The following HPSE2 variants were observed in gnomAD, a reference collection of about 807,000 sequenced individuals.
HPSE2 encodes the protein heparanase 2 (inactive), also known as inactive heparanase-2.
A neutral mutation model predicts 60.5 loss-of-function variants in HPSE2; 38 were observed. That is an observed-to-expected ratio of 0.63 (90% CI 0.48 to 0.82). The LOEUF (loss-of-function observed/expected upper bound fraction) is 0.82. Ranked by LOEUF, HPSE2 falls within the 40% of genes least tolerant of loss-of-function variation. The pLI is 0.00. For missense variants in HPSE2, 713 were observed against 740.4 expected, an observed-to-expected ratio of 0.96 and a Z score of 0.43; for synonymous variants, 295 against 293.2, an observed-to-expected ratio of 1.01 and a Z score of -0.06.
intron 3 of HPSE2, among the ~76,000 whole-genome samples, chr10:98,988,042 T>A (rs183258298): frequency 8.5e-5 from 13 of 152,296 alleles, no homozygotes; most frequent in Admixed American, 8.5e-4. Context: ...ATAGGAAGAA[T>A]CAATATCGTG....
At chr10:98,469,327 T>C (rs1316573851) in intron 11 of HPSE2, among the ~76,000 whole-genome samples, 1 of 152,138 alleles carries the variant, frequency 6.6e-6, no homozygotes, top group Non-Finnish European at 1.5e-5. Flanking sequence ...GTCATAGGCA[T>C]ATCACACTCA....
At chr10:99,237,054 G>T (rs764221341), upstream of HPSE2, among the ~76,000 whole-genome samples, 1 of 152,250 alleles carries the variant, frequency 6.6e-6, no homozygotes, top group South Asian at 2.1e-4. Flanking sequence ...AAGCCGCTGT[G>T]ATGCACGACC....
intron 3 of HPSE2, among the ~76,000 whole-genome samples, chr10:99,087,608 C>T (rs139896595): frequency 1.1e-4 from 17 of 152,262 alleles, no homozygotes; most frequent in African/African-American, 2.6e-4. Context: ...AAGCTACATG[C>T]GTAACCGGGT....
At chr10:99,155,978 G>C (rs879456028) in intron 2 of HPSE2, among the ~76,000 whole-genome samples, 1 of 151,338 alleles carries the variant, frequency 6.6e-6, no homozygotes, top group Non-Finnish European at 1.5e-5. Flanking sequence ...ACACCTCTAC[G>C]CAAATAAACT....
At chr10:98,763,952 A>G (rs1950063086) in intron 3 of HPSE2, among the ~76,000 whole-genome samples, 1 of 152,134 alleles carries the variant, frequency 6.6e-6, no homozygotes, top group Non-Finnish European at 1.5e-5. Context: ...CTCCTCTCAA[A>G]TAATTTAAAA....
chr10:98,696,086 G>C (rs1948204341), intron 5 of HPSE2, among the ~76,000 whole-genome samples: 1 of 152,038 alleles, frequency 6.6e-6, no homozygotes, highest in Middle Eastern at 3.4e-3. Context: ...ATGAAATTTT[G>C]TACCTCCTTC....
intron 2 of HPSE2, among the ~76,000 whole-genome samples, chr10:99,187,370 A>G (rs899927404): frequency 6.6e-5 from 10 of 152,318 alleles, no homozygotes; most frequent in African/African-American, 2.4e-4. Flanking sequence ...TAGGACATAA[A>G]AAGCACAAAT....
At chr10:98,758,196 G>T (rs1352546580) in intron 3 of HPSE2, among the ~76,000 whole-genome samples, 1 of 125,346 alleles carries the variant, frequency 8.0e-6, no homozygotes, top group African/African-American at 2.5e-5. Context: ...CTCAAGATGG[G>T]TTAAAGATGT....
At chr10:98,544,243 T>G (rs1171635470) in intron 9 of HPSE2, among the ~76,000 whole-genome samples, 5 of 151,998 alleles carry the variant, frequency 3.3e-5, no homozygotes, top group Admixed American at 6.6e-5. Context: ...GGGTACATAA[T>G]GAAATGAAGG....
chr10:98,843,337 T>G (rs1454939032), intron 3 of HPSE2, among the ~76,000 whole-genome samples: 3 of 152,148 alleles, frequency 2.0e-5, no homozygotes, highest in African/African-American at 7.2e-5. Flanking sequence ...AGGTTAATAG[T>G]TTAAATAAGT....
At chr10:98,494,010 C>G (rs1941748318) in intron 9 of HPSE2, among the ~76,000 whole-genome samples, 1 of 152,174 alleles carries the variant, frequency 6.6e-6, no homozygotes, top group South Asian at 2.1e-4. Flanking sequence ...TTATAACACT[C>G]TAATTTGCAT....
intron 3 of HPSE2, among the ~76,000 whole-genome samples, chr10:99,115,155 GTT>G (rs577271484): frequency 1.5e-5 from 2 of 130,680 alleles, no homozygotes; most frequent in Admixed American, 7.9e-5. Context: ...AGCTAAATGT[GTT>G]TTTTTTTTTT....
chr10:98,840,881 A>G (rs563056988), intron 3 of HPSE2, among the ~76,000 whole-genome samples: 1 of 152,336 alleles, frequency 6.6e-6, no homozygotes, highest in South Asian at 2.1e-4. Flanking sequence ...AATTTACCAT[A>G]CACAGCATTG....
chr10:98,934,743 T>A lies in HPSE2; in HGVS notation c.611-190687A>T, dbSNP rs1016378128. On this transcript the variant is annotated intron_variant, in intron 3 of 11. Transcript: ENST00000370552. The stretch of plus-strand genomic sequence containing the variant: ...TTCATTTTGACCTTGGAGAATCTGA[T>A]GATTATGTGCCTTGGGGCAGATCTT... 4.9e-5 allele frequency among the ~76,000 whole-genome samples: 7 copies of A among 143,812 alleles called. 1 individual carries two copies. Among genetic ancestry groups the A allele is most frequent in the East Asian group, 2.0e-4 (1 of 5,074 alleles). 94.3% of individuals were successfully genotyped at this position (143,812 alleles called of 152,430 possible). A position where few individuals can be genotyped will look rare whatever the true frequency, so the allele number is the denominator to read the frequency against.
intron 2 of HPSE2, among the ~76,000 whole-genome samples, chr10:99,174,171 A>C (rs1847434001): frequency 6.6e-6 from 1 of 152,200 alleles, no homozygotes; most frequent in Non-Finnish European, 1.5e-5. Context: ...CTTATCCAAA[A>C]ATATCCAATC....
chr10:99,205,150 A>G (rs7920967), intron 2 of HPSE2, among the ~76,000 whole-genome samples: 78,247 of 152,048 alleles, frequency 0.51, 23,246 homozygotes, highest in East Asian at 0.66. Context: ...AATGTTCACT[A>G]TTTGGGTACT....
chr10:98,923,174 CTAAGA>C (rs1327729750), intron 3 of HPSE2, among the ~76,000 whole-genome samples: 1 of 152,190 alleles, frequency 6.6e-6, no homozygotes, highest in African/African-American at 2.4e-5. Flanking sequence ...ATATACTAAT[CTAAGA>C]TAAGAGTTTT....
intron 4 of HPSE2, among the ~76,000 whole-genome samples, chr10:98,741,230 T>C (rs1949488560): frequency 1.3e-5 from 2 of 152,158 alleles, no homozygotes; most frequent in African/African-American, 4.8e-5. Flanking sequence ...TTTCACTTTA[T>C]TGAGTTTTTT....
intron 3 of HPSE2, among the ~76,000 whole-genome samples, chr10:98,846,443 T>C (rs2134712978): frequency 6.6e-6 from 1 of 152,300 alleles, no homozygotes; most frequent in East Asian, 1.9e-4. Flanking sequence ...CTGTAGTGAG[T>C]ATGCTGAGCA....
Sources: gnomAD v4.1 joint callset for allele counts (sites outside exome capture counted in the v4.1 genomes callset) on GRCh38, gnomAD v4.1.1 for gene constraint, MANE v1.5 for transcripts, NCBI Gene and HGNC (gene_info 2026-07-23, HGNC 2026-07-21) for gene names.